Variants in MACROD2 observed in about 807,000 individuals in gnomAD.
MACROD2 encodes the protein ADP-ribose glycohydrolase MACROD2.
MACROD2 carries 36 observed loss-of-function variants against 70.4 expected under a neutral mutation model. The ratio of observed to expected loss-of-function variants is 0.51; its 90% confidence interval spans 0.39 to 0.68. The LOEUF (loss-of-function observed/expected upper bound fraction) is 0.68, where lower values mean the gene tolerates loss of function less well. Among genes scored for constraint, MACROD2 ranks in the 30% least tolerant of loss-of-function variants. MACROD2 has a pLI of 0.00. For missense variants in MACROD2, 496 were observed against 538.4 expected (o/e 0.92, Z 0.78); for synonymous variants, 172 against 178.8 (o/e 0.96, Z 0.30).
chr20:14,700,605 A>G (rs2071185730), intron 5 of MACROD2, among the ~76,000 whole-genome samples: 1 of 151,884 alleles, frequency 6.6e-6, no homozygotes, highest in Non-Finnish European at 1.5e-5. Flanking sequence ...ACTTTGAGGG[A>G]AAAAGAGATT....
At chr20:14,856,634 G>A (rs1282207866) in intron 5 of MACROD2, among the ~76,000 whole-genome samples, 1 of 152,126 alleles carries the variant, frequency 6.6e-6, no homozygotes, top group Non-Finnish European at 1.5e-5. Context: ...CCTTTAATGT[G>A]AACATGAATA....
intron 8 of MACROD2, among the ~76,000 whole-genome samples, chr20:15,641,261 A>C (rs2049455824): frequency 6.6e-6 from 1 of 152,164 alleles, no homozygotes; most frequent in South Asian, 2.1e-4. Context: ...TGCTTTCTCC[A>C]GACTTCAACT....
At chr20:15,149,248 T>C (rs1257808096) in intron 5 of MACROD2, among the ~76,000 whole-genome samples, 1 of 152,016 alleles carries the variant, frequency 6.6e-6, no homozygotes, top group Non-Finnish European at 1.5e-5. Flanking sequence ...TCCTTGAGGA[T>C]AGATTTCCAC....
chr20:15,805,091 T>G (rs550103292), intron 8 of MACROD2, among the ~76,000 whole-genome samples: 1 of 152,330 alleles, frequency 6.6e-6, no homozygotes, highest in South Asian at 2.1e-4. Context: ...CCAGGATCAC[T>G]TCCCAAATAA....
At chr20:14,873,585 G>A (rs906040737) in intron 5 of MACROD2, among the ~76,000 whole-genome samples, 5 of 152,076 alleles carry the variant, frequency 3.3e-5, no homozygotes, top group Non-Finnish European at 5.9e-5. Context: ...ATTCAGGGCC[G>A]GGTGCAATGG....
chr20:14,306,061 A>C (rs943940004), intron 3 of MACROD2, among the ~76,000 whole-genome samples: 1 of 151,866 alleles, frequency 6.6e-6, no homozygotes, highest in South Asian at 2.1e-4. Flanking sequence ...TTTCATTTTT[A>C]AACCTCTCTA....
intron 5 of MACROD2, among the ~76,000 whole-genome samples, chr20:14,978,737 T>G (rs1394644530): frequency 6.9e-6 from 1 of 145,746 alleles, no homozygotes; most frequent in African/African-American, 2.5e-5. Context: ...CTGGTTAACA[T>G]TTGAAAGTAA....
At chr20:14,880,153 A>AAAATGT (rs1393000725) in intron 5 of MACROD2, among the ~76,000 whole-genome samples, 1 of 152,172 alleles carries the variant, frequency 6.6e-6, no homozygotes, top group African/African-American at 2.4e-5. Flanking sequence ...CAGTGTCATG[A>AAAATGT]CAGGATCTGA....
chr20:14,460,658 T>A (rs556837176), intron 3 of MACROD2, among the ~76,000 whole-genome samples: 1 of 152,252 alleles, frequency 6.6e-6, no homozygotes, highest in East Asian at 1.9e-4. Context: ...TGAAGGCCTT[T>A]TCTGCATCTG....
At chr20:15,431,641 T>C (rs1275123692) in intron 7 of MACROD2, among the ~76,000 whole-genome samples, 1 of 152,066 alleles carries the variant, frequency 6.6e-6, no homozygotes, top group African/African-American at 2.4e-5. Context: ...GGGTATCACA[T>C]GAAATTATTT....
intron 5 of MACROD2, among the ~76,000 whole-genome samples, chr20:15,085,324 T>C (rs530212740): frequency 3.9e-5 from 6 of 152,196 alleles, no homozygotes; most frequent in African/African-American, 1.4e-4. Flanking sequence ...TTCATGACCT[T>C]GGTTTAAGGC....
At chr20:14,011,811 G>A (rs192038916) in intron 2 of MACROD2, among the ~76,000 whole-genome samples, 1 of 152,280 alleles carries the variant, frequency 6.6e-6, no homozygotes, top group African/African-American at 2.4e-5. Flanking sequence ...TTACAGGCCT[G>A]AGCCACCGCG....
At chr20:15,910,692 C>T (rs537360285) in intron 10 of MACROD2, among the ~76,000 whole-genome samples, 56 of 152,174 alleles carry the variant, frequency 3.7e-4, no homozygotes, top group Admixed American at 2.4e-3. Context: ...TTGAACACGT[C>T]GGTCCACGAA....
At chr20:14,379,953 G>A (rs1344013963) in intron 3 of MACROD2, among the ~76,000 whole-genome samples, 5 of 151,958 alleles carry the variant, frequency 3.3e-5, no homozygotes, top group Admixed American at 6.6e-5. Flanking sequence ...AATTCCTTTG[G>A]ATCTGTACCT....
chr20:15,632,415 G>T (rs1190842046), intron 8 of MACROD2, among the ~76,000 whole-genome samples: 1 of 152,086 alleles, frequency 6.6e-6, no homozygotes, highest in Admixed American at 6.5e-5. Context: ...TAGCGGCGAG[G>T]GGGGCCAGTT....
chr20:14,061,385 T>C (rs768303525), intron 2 of MACROD2, among the ~76,000 whole-genome samples: 3 of 152,140 alleles, frequency 2.0e-5, no homozygotes, highest in Non-Finnish European at 4.4e-5. Flanking sequence ...TAAAATTTCT[T>C]TTTAAAAAAT....
intron 6 of MACROD2, among the ~76,000 whole-genome samples, chr20:15,236,419 A>G (rs1416079626): frequency 6.6e-6 from 1 of 152,206 alleles, no homozygotes; most frequent in Non-Finnish European, 1.5e-5. Flanking sequence ...TGGTGGCCAC[A>G]CCAGAGAGAT....
chr20:15,159,351 A>G (rs1754489160), intron 5 of MACROD2, among the ~76,000 whole-genome samples: 1 of 152,012 alleles, frequency 6.6e-6, no homozygotes. Flanking sequence ...CAGTTTTGTC[A>G]AACATATGAC....
At chr20:14,060,193 C>T (rs781169920) in intron 2 of MACROD2, among the ~76,000 whole-genome samples, 87 of 152,246 alleles carry the variant, frequency 5.7e-4, no homozygotes, top group Middle Eastern at 3.4e-3. Context: ...GGCTATTTTC[C>T]TTCCACAAGG....
Sources: allele counts gnomAD v4.1 joint callset (sites outside exome capture counted in the v4.1 genomes callset), GRCh38; gene constraint gnomAD v4.1.1; transcripts MANE v1.5; gene names NCBI Gene and HGNC (gene_info 2026-07-23, HGNC 2026-07-21).